Variants in ODAD3 observed in about 807,000 individuals in gnomAD.
The protein encoded by ODAD3 is outer dynein arm-docking complex subunit 3.
A neutral mutation model predicts 70.9 loss-of-function variants in ODAD3; 57 were observed. That is an observed-to-expected ratio of 0.80 (90% CI 0.65 to 1.00). ODAD3 has a LOEUF of 1.00. ODAD3 is among the 50% of genes least tolerant of loss of function. The probability of loss-of-function intolerance (pLI) is 0.00; values close to 1 mark genes in which losing one functional copy is unlikely to be tolerated. For synonymous variants in ODAD3, 327 were observed against 315.9 expected (o/e 1.04, Z -0.37); for missense variants, 797 against 763.9 (o/e 1.04, Z -0.51).
At chr19:11,431,942 C>CAAAA (rs71164201) in intron 1 of ODAD3, among the ~76,000 whole-genome samples, 4 of 64,058 alleles carry the variant, frequency 6.2e-5, no homozygotes, top group Admixed American at 1.9e-4. Context: ...GACTCTGCCT[C>CAAAA]AAAAAAAAAA....
intron 1 of ODAD3, chr19:11,434,556 G>T: frequency 3.2e-5 from 12 of 374,734 alleles, no homozygotes; most frequent in Non-Finnish European, 5.0e-5. Flanking sequence ...AAAAAATAGA[G>T]AAAATAAATT....
chr19:11,430,800 C>T (rs371817446), intron 2 of ODAD3, 24 bp from the exon 3 acceptor site: 111 of 1,613,950 alleles, frequency 6.9e-5, no homozygotes, highest in Non-Finnish European at 9.2e-5. Flanking sequence ...AGTCCAGTCA[C>T]CTTTCAGCAT....
At chr19:11,430,622 G>A (rs1332711285) in intron 3 of ODAD3, 77 bp downstream of exon 3, 2 of 1,338,654 alleles carry the variant, frequency 1.5e-6, no homozygotes, top group Non-Finnish European at 2.2e-6. Flanking sequence ...AAGGATTGGA[G>A]AGGGTGAGCC....
chr19:11,435,471 C>T, upstream of ODAD3: 1 of 360,214 alleles, frequency 2.8e-6, no homozygotes. Flanking sequence ...TAAGAGCTAG[C>T]CCTCAGAACT....
In ODAD3 at chr19:11,430,973, T is replaced by C. The variant is rs748623317; in HGVS notation, c.292A>G (p.Lys98Glu). The C allele has an allele frequency of 6.2e-7, 1 of 1,614,086 alleles. No individual in the cohort carries two copies. Among genetic ancestry groups the C allele is most frequent in the South Asian group, 1.1e-5 (1 of 91,060 alleles). The change falls in exon 2 of 13, where the codon AAG becomes GAG. Residue 98 changes from lysine (K) to glutamate (E), a missense_variant. Coordinates refer to ENST00000356392, the MANE Select transcript of ODAD3 (RefSeq NM_145045.5). ...FFESSQWNIK[K>E]NQETISQLRK... is the part of the protein sequence containing the mutation. Reference sequence around the variant, plus strand: ...AGCTGACTGATGGTCTCCTGGTTCTTCTTGATGTTCCACTGAGAGCTCTCA... The same window carrying C: ...AGCTGACTGATGGTCTCCTGGTTCTCCTTGATGTTCCACTGAGAGCTCTCA...
At chr19:11,423,769 TG>T in intron 8 of ODAD3, 107 bp downstream of exon 8, 1 of 1,152,284 alleles carries the variant, frequency 8.7e-7, no homozygotes, top group Non-Finnish European at 1.2e-6. Context: ...ATAACCGACC[TG>T]GCAGAGAGGG....
chr19:11,429,622 C>G (rs1406827033), intron 3 of ODAD3, among the ~76,000 whole-genome samples: 1 of 151,944 alleles, frequency 6.6e-6, no homozygotes, highest in Non-Finnish European at 1.5e-5. Flanking sequence ...CTTGGCCAGG[C>G]TGGTCTAGAA....
chr19:11,435,217 G>A (rs1305753874), upstream of ODAD3: 3 of 1,415,846 alleles, frequency 2.1e-6, no homozygotes, highest in East Asian at 5.1e-5. Context: ...GATCACCCGC[G>A]TTCCGTGGCT....
chr19:11,427,629 G>A (rs1411604949), intron 3 of ODAD3, among the ~76,000 whole-genome samples: 1 of 151,814 alleles, frequency 6.6e-6, no homozygotes, highest in African/African-American at 2.4e-5. Flanking sequence ...TTACAGGCAT[G>A]TGCCACTACA....
intron 1 of ODAD3, among the ~76,000 whole-genome samples, chr19:11,433,348 G>A (rs1054460823): frequency 9.2e-5 from 14 of 152,096 alleles, no homozygotes; most frequent in Admixed American, 2.6e-4. Flanking sequence ...GCGTTTCACC[G>A]TGTTGGCCAT....
chr19:11,425,341 ATG>A (rs1269017090), intron 7 of ODAD3, among the ~76,000 whole-genome samples: 4 of 126,808 alleles, frequency 3.2e-5, no homozygotes, highest in Admixed American at 7.8e-5. Context: ...ATGTGTATAT[ATG>A]TATATATGTG....
In ODAD3 at chr19:11,422,666, G is replaced by A. The variant is rs1426695291; in HGVS notation, c.1277+35C>T. 2 of 1,605,644 alleles carry A rather than the reference G, an allele frequency of 1.2e-6. No homozygotes were observed. The highest frequency in any genetic ancestry group is 2.2e-5 in the East Asian group (1 of 44,734). On this transcript the variant is annotated intron_variant, in intron 9 of 12. Transcript: ENST00000356392. This position sits in a 1 kb window ranked among gnomAD's most constrained non-coding sequence, Gnocchi z 4.6. ...GGAGGTCACCCCGGGGGCTCAGCCC[G>A]CCCCGCCGCCCTCCCCAGAGCCCCG...
intron 3 of ODAD3, 89 bp from the exon 4 acceptor site, chr19:11,427,129 T>C: frequency 7.2e-7 from 1 of 1,393,812 alleles, no homozygotes; most frequent in Non-Finnish European, 9.5e-7. Context: ...TCCCACACTG[T>C]GGCTTCCAGG....
chr19:11,421,794 CT>C lies in ODAD3; in HGVS notation c.1472del (p.Gln491ArgfsTer18). 6.2e-7 allele frequency: 1 copy of C among 1,613,242 alleles called. No homozygotes were observed. Among genetic ancestry groups the C allele is most frequent in the Non-Finnish European group, 8.5e-7 (1 of 1,179,944 alleles). On this transcript the variant is annotated frameshift_variant, in exon 11 of 13. Transcript: ENST00000356392. LOFTEE classifies it high-confidence loss of function. ...GRFAGKELDP[Q>X]ADNYVPNLLG... ...GCAGGTTTGGCACATAGTTATCTGCCTGGGGATCCAGCTCCTTTCCCGCGAA... is the reference window on the plus strand; with the variant it reads ...GCAGGTTTGGCACATAGTTATCTGCCGGGGATCCAGCTCCTTTCCCGCGAA...
At position 11,420,944 on chromosome 19, in the gene ODAD3, TC is replaced by T. The variant is rs1969116678; in HGVS notation, c.1678del (p.Glu560LysfsTer10). The stretch of plus-strand genomic sequence containing the variant: ...CTCGTTGTCCTCCTCCTCACTCTCT[TC>T]GTCTAAGGGGGGTGGGGGGATGAGC... ...LATSKDKFFD[E>X]ESEEEDNEVV... On this transcript the variant is annotated frameshift_variant and splice_region_variant, in exon 13 of 13. Coordinates refer to ENST00000356392, the MANE Select transcript of ODAD3 (RefSeq NM_145045.5). LOFTEE classifies it low-confidence loss of function (END_TRUNC). 1 of 1,423,084 alleles carries T rather than the reference TC, an allele frequency of 7.0e-7. No individual in the cohort carries two copies. 88.2% of individuals were successfully genotyped at this position (1,423,084 alleles called of 1,614,324 possible).
rs1184041462 is a variant in ODAD3 at position 11,434,834 on chromosome 19, ACCTCTGTGGAAGGAT to A, written c.168_182del (p.Ser57_Gly61del). ...GAGAGTGCACAGAGGGCTTCCCTGC[ACCTCTGTGGAAGGAT>A]CCTCCCTTGGAACGGCCTGGGGTCC... On this transcript the variant is annotated inframe_deletion, in exon 1 of 13. Coordinates refer to ENST00000356392, the MANE Select transcript of ODAD3 (RefSeq NM_145045.5). 1.2e-6 allele frequency: 2 copies of A among 1,614,050 alleles called. No homozygotes were observed. The highest frequency in any genetic ancestry group is 2.2e-5 in the South Asian group (2 of 91,084).
rs768579152 is a variant in ODAD3 at position 11,426,222 on chromosome 19, C to T, written c.885G>A (p.Lys295=). ...ACTCACTTATGTAGCGTTCCCGCTT[C>T]TTGCGCTCTCGAACCAAGGTCTCCT... The part of the protein sequence containing the change: ...YLEETLVRER[K]KRERYISECK... Residue 295 remains lysine, a synonymous_variant, in exon 7 of 13, where the codon AAG becomes AAA. Transcript: ENST00000356392. 6.2e-7 allele frequency: 1 copy of T among 1,613,976 alleles called. No individual in the cohort carries two copies. Among genetic ancestry groups the T allele is most frequent in the Non-Finnish European group, 8.5e-7 (1 of 1,179,956 alleles).
intron 7 of ODAD3, among the ~76,000 whole-genome samples, chr19:11,424,928 T>G: frequency 8.6e-6 from 1 of 115,830 alleles, no homozygotes; most frequent in Non-Finnish European, 1.7e-5. Flanking sequence ...TGTACCTATG[T>G]GTATATATGT....
chr19:11,430,006 GT>G (rs1969470623), intron 3 of ODAD3, among the ~76,000 whole-genome samples: 1 of 151,428 alleles, frequency 6.6e-6, no homozygotes, highest in African/African-American at 2.4e-5. Context: ...CATTGTTTTC[GT>G]TTGTTTGTTT....
Sources: gnomAD v4.1 joint callset for allele counts (sites outside exome capture counted in the v4.1 genomes callset) on GRCh38, gnomAD v4.1.1 for gene constraint, Gnocchi (gnomAD v3.1) non-coding constraint, MANE v1.5 for transcripts, NCBI Gene and HGNC (gene_info 2026-07-23, HGNC 2026-07-21) for gene names.